Variants in LRRC69 observed in about 807,000 individuals in gnomAD.
The protein encoded by LRRC69 is leucine-rich repeat-containing protein 69.
LRRC69 carries 42 observed loss-of-function variants against 37.8 expected under a neutral mutation model. The ratio of observed to expected loss-of-function variants is 1.11; its 90% CI spans 0.87 to 1.44. LRRC69 has a LOEUF of 1.44. Ranked by LOEUF, LRRC69 falls within the 40% of genes most tolerant of loss-of-function variation. LRRC69 has a pLI of 0.00. For missense variants in LRRC69, 357 were observed against 401.9 expected, an observed-to-expected ratio of 0.89 and a Z score of 0.96; for synonymous variants, 141 against 143.1, an observed-to-expected ratio of 0.99 and a Z score of 0.11.
intron 5 of LRRC69, among the ~76,000 whole-genome samples, chr8:91,179,374 C>G (rs774056356): frequency 1.3e-5 from 2 of 152,052 alleles, no homozygotes; most frequent in Non-Finnish European, 2.9e-5. Context: ...TTTAAAGAAC[C>G]AGTGTCATGA....
At chr8:91,218,807 C>A in intron 7 of LRRC69, 83 bp from the exon 8 acceptor site, 1 of 843,410 alleles carries the variant, frequency 1.2e-6, no homozygotes, top group Non-Finnish European at 1.8e-6. Context: ...TGTTCTGAAA[C>A]CTCTGAGAAA....
At chr8:91,108,136 G>A (rs552143253) in intron 1 of LRRC69, among the ~76,000 whole-genome samples, 17 of 152,074 alleles carry the variant, frequency 1.1e-4, no homozygotes, top group African/African-American at 3.6e-4. Context: ...ACAAAGATAT[G>A]GTCTGCCATA....
chr8:91,177,796 C>T (rs913443825), intron 5 of LRRC69, among the ~76,000 whole-genome samples: 2 of 151,450 alleles, frequency 1.3e-5, no homozygotes, highest in South Asian at 2.1e-4. Context: ...TTATCTCAGT[C>T]TCTTTCCAGA....
At chr8:91,202,088 C>G (rs1256403858) in intron 7 of LRRC69, among the ~76,000 whole-genome samples, 1 of 152,058 alleles carries the variant, frequency 6.6e-6, no homozygotes, top group African/African-American at 2.4e-5. Flanking sequence ...CGCCTGTAAT[C>G]CCAGCTTCTT....
chr8:91,214,825 A>G (rs1222439921), intron 7 of LRRC69, among the ~76,000 whole-genome samples: 1 of 150,148 alleles, frequency 6.7e-6, no homozygotes, highest in East Asian at 1.9e-4. Context: ...TTTTTTTTAC[A>G]GTCAAGTAGA....
At chr8:91,185,474 A>C (rs1049479434) in intron 5 of LRRC69, among the ~76,000 whole-genome samples, 1 of 151,988 alleles carries the variant, frequency 6.6e-6, no homozygotes, top group Admixed American at 6.6e-5. Context: ...CTCTTGGGAG[A>C]AGTATTCAGC....
chr8:91,110,394 T>G (rs1028657036), intron 1 of LRRC69, among the ~76,000 whole-genome samples: 1 of 152,042 alleles, frequency 6.6e-6, no homozygotes, highest in African/African-American at 2.4e-5. Flanking sequence ...ATCCAAGCAC[T>G]TTGGGAGGCT....
chr8:91,209,905 A>T (rs1809875978), intron 7 of LRRC69, among the ~76,000 whole-genome samples: 1 of 152,152 alleles, frequency 6.6e-6, no homozygotes, highest in Non-Finnish European at 1.5e-5. Flanking sequence ...TTTTCTTTCA[A>T]CATCTTTACT....
At chr8:91,106,034 G>T (rs1458600414) in intron 1 of LRRC69, among the ~76,000 whole-genome samples, 2 of 152,042 alleles carry the variant, frequency 1.3e-5, no homozygotes, top group African/African-American at 4.8e-5. Flanking sequence ...AAGGGGCAGG[G>T]TGTATTGTGA....
At chr8:91,124,151 A>G (rs1051294213) in intron 1 of LRRC69, among the ~76,000 whole-genome samples, 5 of 151,936 alleles carry the variant, frequency 3.3e-5, no homozygotes, top group Non-Finnish European at 5.9e-5. Flanking sequence ...GTTTGATTCT[A>G]TAGGTCACAA....
intron 7 of LRRC69, among the ~76,000 whole-genome samples, chr8:91,214,385 T>C (rs978563924): frequency 2.6e-5 from 4 of 152,174 alleles, no homozygotes; most frequent in Non-Finnish European, 5.9e-5. Flanking sequence ...AAAAGAAATA[T>C]ACTTCTTCAG....
chr8:91,205,274 A>C (rs1335873316), intron 7 of LRRC69, among the ~76,000 whole-genome samples: 1 of 152,150 alleles, frequency 6.6e-6, no homozygotes, highest in Non-Finnish European at 1.5e-5. Context: ...TTTTAGCTAT[A>C]CTAACCCACG....
At chr8:91,145,505 T>A (rs1176962905) in intron 5 of LRRC69, among the ~76,000 whole-genome samples, 1 of 151,956 alleles carries the variant, frequency 6.6e-6, no homozygotes, top group African/African-American at 2.4e-5. Flanking sequence ...GCTCTTTAAA[T>A]GCCTCTCTAA....
At chr8:91,156,729 C>T (rs919330241) in intron 5 of LRRC69, among the ~76,000 whole-genome samples, 2 of 151,038 alleles carry the variant, frequency 1.3e-5, no homozygotes, top group African/African-American at 4.8e-5. Context: ...CTTATGTTTT[C>T]TTGTAGCAAT....
intron 7 of LRRC69, among the ~76,000 whole-genome samples, chr8:91,205,290 G>A (rs141995825): frequency 2.3e-4 from 35 of 152,186 alleles, no homozygotes; most frequent in African/African-American, 8.4e-4. Flanking sequence ...CCACGCTTAG[G>A]ACATGGAGGC....
chr8:91,189,421 T>A, intron 5 of LRRC69, 101 bp from the exon 6 acceptor site: 1 of 806,982 alleles, frequency 1.2e-6, no homozygotes, highest in Non-Finnish European at 2.0e-6. Flanking sequence ...GGATTTTTAG[T>A]CCTAAATAAA....
At chr8:91,113,965 C>A in intron 1 of LRRC69, among the ~76,000 whole-genome samples, 1 of 91,380 alleles carries the variant, frequency 1.1e-5, no homozygotes, top group Admixed American at 1.3e-4. Context: ...CATTGCGAGA[C>A]TTGTCTCAAA....
At chr8:91,104,928 G>A (rs910522394) in intron 1 of LRRC69, among the ~76,000 whole-genome samples, 1 of 152,050 alleles carries the variant, frequency 6.6e-6, no homozygotes, top group Non-Finnish European at 1.5e-5. Flanking sequence ...AGCCCCAAGA[G>A]TCTGATTATC....
At chr8:91,198,722 A>G (rs1809662910) in intron 6 of LRRC69, among the ~76,000 whole-genome samples, 1 of 152,150 alleles carries the variant, frequency 6.6e-6, no homozygotes, top group Admixed American at 6.5e-5. Flanking sequence ...ACTTTGGTCT[A>G]TAAAAGATTT....
Sources: gnomAD v4.1 joint callset for allele counts (sites outside exome capture counted in the v4.1 genomes callset) on GRCh38, gnomAD v4.1.1 for gene constraint, MANE v1.5 for transcripts, NCBI Gene and HGNC (gene_info 2026-07-23, HGNC 2026-07-21) for gene names.